VCX3A: variants seen among roughly 807,000 people sequenced by gnomAD.
VCX3A encodes the protein variable charge X-linked protein 3.
For synonymous variants in VCX3A, 6 were observed against 69.9 expected, an observed-to-expected ratio of 0.09 and a Z score of 4.56; for missense variants, 37 against 151.4, an observed-to-expected ratio of 0.24 and a Z score of 3.97.
rs1058248 is a variant in VCX3A, at chrX:6,533,692, G to C, written c.*53C>G. 1 of 1,177,371 alleles carries C rather than the reference G, an allele frequency of 8.5e-7. No homozygotes were observed. The highest frequency in any genetic ancestry group is 2.3e-5 in the Admixed American group (1 of 44,082). On this transcript the variant is annotated 3_prime_UTR_variant, in exon 3 of 3. Transcript: ENST00000381089. ...GCTGGTGAGATCTCTGAGGTCTGGC[G>C]GCTGGGCCTGAACTTAGTCGCTGCT...
chrX:6,533,657 C>A lies in VCX3A; in HGVS notation c.*88G>T, dbSNP rs775148557. 4 of 1,153,301 alleles carry A rather than the reference C, an allele frequency of 3.5e-6. No homozygotes were observed. The highest frequency in any genetic ancestry group is 4.6e-6 in the Non-Finnish European group (4 of 862,094). ...ATTCATTTTATTATCTTCAGAATGG[C>A]AAGCACCCCGCTGGTGAGATCTCTG... On this transcript the variant is annotated 3_prime_UTR_variant, in exon 3 of 3. Coordinates refer to ENST00000381089, the MANE Select transcript of VCX3A (RefSeq NM_016379.4).
chrX:6,533,750 C>A lies in VCX3A; in HGVS notation c.556G>T (p.Val186Leu). 2 of 976,443 alleles carry A rather than the reference C, an allele frequency of 2.0e-6. No homozygotes were observed. The highest frequency in any genetic ancestry group is 2.8e-6 in the Non-Finnish European group (2 of 715,683). 80.5% of individuals were successfully genotyped at this position (976,443 alleles called of 1,213,427 possible). A position where few individuals can be genotyped will look rare whatever the true frequency, so the allele number is the denominator to read the frequency against. ...QESEMEELPS[V>L] ...ATAGGGGAGTAGCTGGCCGTCTACACACTCGGTAGTTCTTCCATCTCGCTC... is the reference window on the plus strand; with the variant it reads ...ATAGGGGAGTAGCTGGCCGTCTACAAACTCGGTAGTTCTTCCATCTCGCTC... The change falls in exon 3 of 3, where the codon GTG becomes TTG. Residue 186 changes from valine to leucine, a missense_variant. Transcript: ENST00000381089.
Position 6,533,793 on chromosome X carries a change from C to G in VCX3A, c.513G>C (p.Glu171Asp), listed in dbSNP as rs146638597. The G allele has an allele frequency of 9.0e-7, 1 of 1,110,981 alleles. No individual in the cohort carries two copies. The highest frequency in any genetic ancestry group is 1.2e-6 in the Non-Finnish European group (1 of 836,432). 91.6% of individuals were successfully genotyped at this position (1,110,981 alleles called of 1,213,427 possible). The change falls in exon 3 of 3, where the codon GAG becomes GAC. Residue 171 changes from glutamate (E) to aspartate (D), a missense_variant. Coordinates refer to ENST00000381089, the MANE Select transcript of VCX3A (RefSeq NM_016379.4). ...EEPLSQESQV[E>D]EPLSQESEME... is the part of the protein sequence containing the mutation. Reference sequence around the variant, plus strand: ...TCTCGCTCTCCTGACTCAGTGGTTCCTCCACCTGGCTCTCCTGACTCAGTG... The same window carrying G: ...TCTCGCTCTCCTGACTCAGTGGTTCGTCCACCTGGCTCTCCTGACTCAGTG...
Position 6,533,717 on chromosome X carries a change from T to C in VCX3A, c.*28A>G. The C allele has an allele frequency of 8.4e-7, 1 of 1,185,528 alleles. No homozygotes were observed. The highest frequency in any genetic ancestry group is 3.0e-5 in the East Asian group (1 of 33,743). Reference sequence around the variant, plus strand: ...GGCTGGGCCTGAACTTAGTCGCTGCTCTCGGAGATAGGGGAGTAGCTGGCC... The same window carrying C: ...GGCTGGGCCTGAACTTAGTCGCTGCCCTCGGAGATAGGGGAGTAGCTGGCC... On this transcript the variant is annotated 3_prime_UTR_variant, in exon 3 of 3. Transcript: ENST00000381089.
Position 6,533,940 on chromosome X carries a change from T to G in VCX3A, c.366A>C (p.Glu122Asp), listed in dbSNP as rs1921768670. 8.5e-7 allele frequency: 1 copy of G among 1,177,738 alleles called. No homozygotes were observed. Among genetic ancestry groups the G allele is most frequent in the Non-Finnish European group, 1.1e-6 (1 of 878,666 alleles). The change falls in exon 3 of 3, where the codon GAA becomes GAC. Residue 122 changes from glutamate (E) to aspartate (D), a missense_variant. Glu to Asp is a conservative substitution (Grantham distance 45, BLOSUM62 2). Coordinates refer to ENST00000381089, the MANE Select transcript of VCX3A (RefSeq NM_016379.4). ...EPLSQESEVE[E>D]PLSQESQVEE... is the part of the protein sequence containing the mutation. ...CCACCTGGCTCTCCTGACTCAGTGGTTCTTCCACCTCGCTCTCCTGACTCA... is the reference window on the plus strand; with the variant it reads ...CCACCTGGCTCTCCTGACTCAGTGGGTCTTCCACCTCGCTCTCCTGACTCA...
In VCX3A at chrX:6,534,871, C is replaced by A. The variant is rs28690598; in HGVS notation, c.-147+87G>T. On this transcript the variant is annotated intron_variant, in intron 1 of 2. Transcript: ENST00000381089. ...TCACGTGGCACGGGAGGATATTTCC[C>A]CCACATGTTTCCCCCGGACCTCCCA... 663 of 127,718 alleles carry A rather than the reference C, an allele frequency of 5.2e-3. 34 individuals are homozygous for A. The highest frequency in any genetic ancestry group is 7.0e-3 in the Non-Finnish European group (526 of 75,196). 10.5% of individuals were successfully genotyped at this position (127,718 alleles called of 1,213,427 possible). A position where few individuals can be genotyped will look rare whatever the true frequency, so the allele number is the denominator to read the frequency against.
Position 6,534,110 on chromosome X carries a change from C to G in VCX3A, c.196G>C (p.Glu66Gln). The change falls in exon 3 of 3, where the codon GAG (glutamate) becomes CAG (glutamine). Residue 66 changes from glutamate to glutamine, a missense_variant. Physicochemically the swap from Glu to Gln is conservative, Grantham distance 29. Transcript: ENST00000381089. ...GGTGCCGCTGGCCCGCTCTCCGCCTCAGGTGCCGTCACGGCCGCCATCTTT... is the reference window on the plus strand; with the variant it reads ...GGTGCCGCTGGCCCGCTCTCCGCCTGAGGTGCCGTCACGGCCGCCATCTTT... Reference protein sequence around the residue: ...ATKMAAVTAPEAESGPAAPGP... With the variant: ...ATKMAAVTAPQAESGPAAPGP... The G allele has an allele frequency of 8.4e-7, 1 of 1,193,498 alleles. No individual in the cohort carries two copies. Among genetic ancestry groups the G allele is most frequent in the Non-Finnish European group, 1.1e-6 (1 of 888,313 alleles).
rs1200516047 is a variant in VCX3A, at chrX:6,533,654, T to C, written c.*91A>G. The C allele has an allele frequency of 8.7e-7, 1 of 1,144,404 alleles. No homozygotes were observed. The highest frequency in any genetic ancestry group is 1.2e-6 in the Non-Finnish European group (1 of 856,319). The allele number at this position is 1,144,404 out of a possible 1,213,427, so 94.3% of individuals were successfully genotyped here. On this transcript the variant is annotated 3_prime_UTR_variant, in exon 3 of 3. Coordinates refer to ENST00000381089, the MANE Select transcript of VCX3A (RefSeq NM_016379.4). ...CACATTCATTTTATTATCTTCAGAA[T>C]GGCAAGCACCCCGCTGGTGAGATCT...
chrX:6,534,794 C>T (rs1280366709), intron 1 of VCX3A, among the ~76,000 whole-genome samples, 151 bp from the exon 2 acceptor site: 3 of 93,572 alleles, frequency 3.2e-5, no homozygotes, highest in African/African-American at 8.6e-5. Flanking sequence ...AAAGATAGTT[C>T]CCAAACTGAC....
rs375880156 is a variant in VCX3A, at chrX:6,533,992, C to T, written c.314G>A (p.Ser105Asn). ...TGGTTCCTCCAGCTCGCTCTCCTGA[C>T]TCAGGGGGTCGTGCTGGGTCCCCTC... ...VSEGTQHDPLSQESELEEPLS... is the reference protein window; with the variant it reads ...VSEGTQHDPLNQESELEEPLS... Residue 105 changes from serine (S) to asparagine (N), a missense_variant, in exon 3 of 3, where the codon AGT becomes AAT. Physicochemically the swap from Ser to Asn is conservative, Grantham distance 46 (BLOSUM62 1). Transcript: ENST00000381089. The T allele has an allele frequency of 1.9e-5, 23 of 1,186,348 alleles. No homozygotes were observed. In the East Asian group the frequency reaches 5.7e-4, roughly 29 times the overall value.
At chrX:6,534,720 T>C (rs868268100) in intron 1 of VCX3A, 77 bp from the exon 2 acceptor site, 2 of 302,613 alleles carry the variant, frequency 6.6e-6, no homozygotes, top group South Asian at 4.0e-5. Context: ...CGGGGGGGGG[T>C]GACATCTAAT....
intron 1 of VCX3A, 137 bp downstream of exon 1, chrX:6,534,821 A>G (rs1376022423): frequency 4.9e-6 from 1 of 202,043 alleles, no homozygotes; most frequent in Non-Finnish European, 8.2e-6. Flanking sequence ...CCCCTCCTAA[A>G]CTCCCCGTGT....
chrX:6,535,089 C>T lies in VCX3A; in HGVS notation c.-278G>A, dbSNP rs957031355. 1.7e-5 allele frequency: 2 copies of T among 115,882 alleles called. No individual in the cohort carries two copies. Among genetic ancestry groups the T allele is most frequent in the African/African-American group, 6.7e-5 (2 of 30,062 alleles). The allele number at this position is 115,882 out of a possible 1,213,427, so 9.5% of individuals were successfully genotyped here. On this transcript the variant is annotated 5_prime_UTR_variant, in exon 1 of 3. An upstream start codon of the reference 5' UTR is lost. Transcript: ENST00000381089. ...CTTGGATGCCATGAAACAACTTTTCCATCTCACATACTTCTCCCAGCATCC... is the reference window on the plus strand; with the variant it reads ...CTTGGATGCCATGAAACAACTTTTCTATCTCACATACTTCTCCCAGCATCC...
rs753937083 is a variant in VCX3A, at chrX:6,534,641, G to A, written c.-144C>T. 116 of 801,541 alleles carry A rather than the reference G, an allele frequency of 1.4e-4. 2 individuals are homozygous for A. In the Middle Eastern group the frequency reaches 1.8e-3, roughly 13 times the overall value. The allele number at this position is 801,541 out of a possible 1,213,427, so 66.1% of individuals were successfully genotyped here. ...ACACTCCACTACCCAGCCAATGGTA[G>A]CCCTGGGTGGGAAGGAAGGCCTTAT... On this transcript the variant is annotated splice_region_variant and 5_prime_UTR_variant, in exon 2 of 3. Transcript: ENST00000381089.
rs1283109749 is a variant in VCX3A at position 6,533,834 on chromosome X, T to C, written c.472A>G (p.Ser158Gly). 1 of 1,164,459 alleles carries C rather than the reference T, an allele frequency of 8.6e-7. No individual in the cohort carries two copies. Among genetic ancestry groups the C allele is most frequent in the East Asian group, 3.3e-5 (1 of 30,381 alleles). The change falls in exon 3 of 3, where the codon AGC becomes GGC. Residue 158 changes from serine to glycine, a missense_variant. By Grantham distance (56) the Ser-to-Gly change is moderately conservative. Coordinates refer to ENST00000381089, the MANE Select transcript of VCX3A (RefSeq NM_016379.4). ...SQVEEPLSQE[S>G]EVEEPLSQES... ...TGACTCAGTGGTTCCTCCACCTCGC[T>C]CTCCTGACTCAGTGGTTCCTCCACC...
rs1313607685 is a variant in VCX3A at position 6,533,697 on chromosome X, G to C, written c.*48C>G. ...TGAGATCTCTGAGGTCTGGCGGCTG[G>C]GCCTGAACTTAGTCGCTGCTCTCGG... is the stretch of plus-strand genomic sequence containing the variant. On this transcript the variant is annotated 3_prime_UTR_variant, in exon 3 of 3. Coordinates refer to ENST00000381089, the MANE Select transcript of VCX3A (RefSeq NM_016379.4). 1.7e-6 allele frequency: 2 copies of C among 1,178,411 alleles called. No homozygotes were observed. The highest frequency in any genetic ancestry group is 2.0e-5 in the African/African-American group (1 of 50,613).
At position 6,534,784 on chromosome X, in the gene VCX3A, A is replaced by G. The variant is rs1245872395; in HGVS notation, c.-146-141T>C. 1.4e-5 allele frequency: 4 copies of G among 286,558 alleles called. No individual in the cohort carries two copies. In the African/African-American group the frequency reaches 1.5e-4, roughly 10 times the overall value. 23.6% of individuals were successfully genotyped at this position (286,558 alleles called of 1,213,427 possible). A position where few individuals can be genotyped will look rare whatever the true frequency, so the allele number is the denominator to read the frequency against. ...AAGGGAGATTTGGGTTAGCACCCCT[A>G]AAGATAGTTCCCAAACTGACATGTC... On this transcript the variant is annotated intron_variant, in intron 1 of 2. Coordinates refer to ENST00000381089, the MANE Select transcript of VCX3A (RefSeq NM_016379.4).
rs768204570 is a variant in VCX3A, at chrX:6,533,749, A to C, written c.557T>G (p.Val186Gly). The C allele has an allele frequency of 5.8e-6, 7 of 1,202,303 alleles. No homozygotes were observed. The highest frequency in any genetic ancestry group is 7.8e-6 in the Non-Finnish European group (7 of 891,729). The change falls in exon 3 of 3, where the codon GTG (valine) becomes GGG (glycine). Residue 186 changes from valine to glycine, a missense_variant. Val to Gly is a moderately radical substitution (Grantham distance 109, BLOSUM62 -3). Transcript: ENST00000381089. Reference sequence around the variant, plus strand: ...GATAGGGGAGTAGCTGGCCGTCTACACACTCGGTAGTTCTTCCATCTCGCT... The same window carrying C: ...GATAGGGGAGTAGCTGGCCGTCTACCCACTCGGTAGTTCTTCCATCTCGCT... ...QESEMEELPSV is the reference protein window; with the variant it reads ...QESEMEELPSG
In VCX3A at chrX:6,533,721, G is replaced by C. The variant is rs183632328; in HGVS notation, c.*24C>G. ...GGGCCTGAACTTAGTCGCTGCTCTCGGAGATAGGGGAGTAGCTGGCCGTCT... is the reference window on the plus strand; with the variant it reads ...GGGCCTGAACTTAGTCGCTGCTCTCCGAGATAGGGGAGTAGCTGGCCGTCT... On this transcript the variant is annotated 3_prime_UTR_variant, in exon 3 of 3. Transcript: ENST00000381089. The C allele has an allele frequency of 1.9e-5, 22 of 1,138,078 alleles. No homozygotes were observed. The highest frequency in any genetic ancestry group is 2.4e-5 in the Non-Finnish European group (21 of 859,635). 93.8% of individuals were successfully genotyped at this position (1,138,078 alleles called of 1,213,427 possible). A position where few individuals can be genotyped will look rare whatever the true frequency, so the allele number is the denominator to read the frequency against.
Sources: allele counts gnomAD v4.1 joint callset (sites outside exome capture counted in the v4.1 genomes callset), GRCh38; gene constraint gnomAD v4.1.1; transcripts MANE v1.5; gene names NCBI Gene and HGNC (gene_info 2026-07-23, HGNC 2026-07-21).